Variants in CHST11 observed in about 807,000 individuals in gnomAD.
CHST11 encodes the protein carbohydrate sulfotransferase 11, also known as C4S-1.
Under a neutral mutation model 30.4 loss-of-function variants are expected in CHST11, and 9 were observed. That is an observed-to-expected ratio of 0.30 (90% CI 0.18 to 0.52). The LOEUF (loss-of-function observed/expected upper bound fraction) is 0.52, where lower values mean the gene tolerates loss of function less well. Among genes scored for constraint, CHST11 ranks in the 20% least tolerant of loss-of-function variants. CHST11 has a pLI of 0.97. For missense variants in CHST11, 348 were observed against 460.6 expected (o/e 0.76, Z 2.24); for synonymous variants, 152 against 187.8 (o/e 0.81, Z 1.56).
At chr12:104,584,308 G>A (rs751250418) in intron 1 of CHST11, among the ~76,000 whole-genome samples, 7 of 147,804 alleles carry the variant, frequency 4.7e-5, no homozygotes, top group Non-Finnish European at 8.9e-5. Flanking sequence ...CCAGGGTGGA[G>A]TGCAGTGGTA....
chr12:104,502,881 C>T (rs889451163), intron 1 of CHST11, among the ~76,000 whole-genome samples: 4 of 152,196 alleles, frequency 2.6e-5, no homozygotes, highest in African/African-American at 9.6e-5. Flanking sequence ...ATCAGCGCCC[C>T]TCAAATCTGC....
chr12:104,569,582 T>C (rs924676641), intron 1 of CHST11, among the ~76,000 whole-genome samples: 1 of 152,182 alleles, frequency 6.6e-6, no homozygotes, highest in Non-Finnish European at 1.5e-5. Context: ...ACCTATTGGA[T>C]TGATCAGCAG....
intron 1 of CHST11, among the ~76,000 whole-genome samples, chr12:104,546,299 A>C (rs990050257): frequency 6.6e-6 from 1 of 150,952 alleles, no homozygotes; most frequent in Non-Finnish European, 1.5e-5. Flanking sequence ...ACAAGACCCC[A>C]TCTCTACAAA....
At chr12:104,756,532 G>GGTGAGTGTGTGTGTGTGT (rs2040476448) in intron 2 of CHST11, among the ~76,000 whole-genome samples, 1 of 143,292 alleles carries the variant, frequency 7.0e-6, no homozygotes, top group Non-Finnish European at 1.5e-5. Flanking sequence ...ATCCATGTGG[G>GGTGAGTGTGTGTGTGTGT]GTGTGTGTGT....
intron 1 of CHST11, among the ~76,000 whole-genome samples, chr12:104,489,803 GAC>G (rs2037728136): frequency 6.6e-6 from 1 of 152,188 alleles, no homozygotes; most frequent in African/African-American, 2.4e-5. Flanking sequence ...GGGAGGGGAG[GAC>G]ACAATTCAAT....
At chr12:104,461,280 A>G (rs557899623) in intron 1 of CHST11, among the ~76,000 whole-genome samples, 2 of 152,288 alleles carry the variant, frequency 1.3e-5, no homozygotes, top group African/African-American at 4.8e-5. Flanking sequence ...AGCCACTTAG[A>G]TGGATTCTAA....
chr12:104,494,082 A>G (rs527421512), intron 1 of CHST11, among the ~76,000 whole-genome samples: 59 of 152,244 alleles, frequency 3.9e-4, no homozygotes, highest in African/African-American at 1.4e-3. Flanking sequence ...TGTTGGGATT[A>G]TAGTGTGAGC....
At chr12:104,737,585 A>G (rs989785865) in intron 2 of CHST11, among the ~76,000 whole-genome samples, 2 of 152,224 alleles carry the variant, frequency 1.3e-5, no homozygotes, top group African/African-American at 2.4e-5. Flanking sequence ...CAGTTGATCT[A>G]GAGCCTTCTA....
At chr12:104,705,207 T>C (rs570270015) in intron 2 of CHST11, among the ~76,000 whole-genome samples, 1 of 152,184 alleles carries the variant, frequency 6.6e-6, no homozygotes, top group African/African-American at 2.4e-5. Context: ...GTGTATACAG[T>C]GTTACTGTTT....
chr12:104,668,538 C>T (rs1263883046), intron 2 of CHST11, among the ~76,000 whole-genome samples: 1 of 152,176 alleles, frequency 6.6e-6, no homozygotes, highest in Non-Finnish European at 1.5e-5. Flanking sequence ...CCCCATAAAG[C>T]ATGTTTATCT....
intron 1 of CHST11, among the ~76,000 whole-genome samples, chr12:104,506,191 C>T (rs183701178): frequency 4.8e-4 from 73 of 152,294 alleles, no homozygotes; most frequent in African/African-American, 1.6e-3. Flanking sequence ...GGATGACAAG[C>T]GAACGCAGAT....
chr12:104,476,114 T>C (rs1023710186), intron 1 of CHST11, among the ~76,000 whole-genome samples: 1 of 108,806 alleles, frequency 9.2e-6, no homozygotes, highest in Non-Finnish European at 1.9e-5. Flanking sequence ...TAAATATAAA[T>C]AATAATATAT....
chr12:104,504,624 C>T (rs2037885141), intron 1 of CHST11, among the ~76,000 whole-genome samples: 1 of 152,058 alleles, frequency 6.6e-6, no homozygotes, highest in Non-Finnish European at 1.5e-5. Flanking sequence ...TTCCTAAAAG[C>T]CTGTTCATGG....
chr12:104,692,983 C>T (rs993166862), intron 2 of CHST11, among the ~76,000 whole-genome samples: 2 of 151,856 alleles, frequency 1.3e-5, no homozygotes, highest in African/African-American at 4.8e-5. Flanking sequence ...GTCTTACTGT[C>T]CTGGAGGCTG....
intron 1 of CHST11, among the ~76,000 whole-genome samples, chr12:104,579,097 C>T (rs1486163154): frequency 6.6e-6 from 1 of 152,166 alleles, no homozygotes; most frequent in Non-Finnish European, 1.5e-5. Flanking sequence ...TCCTTGTTAC[C>T]CTTAAGCAAT....
chr12:104,533,560 A>G (rs1391099482), intron 1 of CHST11, among the ~76,000 whole-genome samples: 2 of 152,200 alleles, frequency 1.3e-5, no homozygotes, highest in African/African-American at 2.4e-5. Context: ...GTTTCCTGCC[A>G]TCTCCCCTTA....
At chr12:104,547,370 A>G (rs1411315344) in intron 1 of CHST11, among the ~76,000 whole-genome samples, 5 of 152,158 alleles carry the variant, frequency 3.3e-5, no homozygotes, top group African/African-American at 4.8e-5. Context: ...CAGGAGCCGC[A>G]AGATTTTCCG....
At chr12:104,549,536 G>T (rs1336533823) in intron 1 of CHST11, among the ~76,000 whole-genome samples, 1 of 152,102 alleles carries the variant, frequency 6.6e-6, no homozygotes, top group African/African-American at 2.4e-5. Context: ...GTGATTTATG[G>T]GTTCCACCTC....
At chr12:104,562,481 G>A (rs368797078) in intron 1 of CHST11, among the ~76,000 whole-genome samples, 5 of 152,322 alleles carry the variant, frequency 3.3e-5, no homozygotes, top group East Asian at 1.9e-4. Flanking sequence ...GAGCCTTCCA[G>A]AACCTTCCCT....
Sources: allele counts gnomAD v4.1 joint callset (sites outside exome capture counted in the v4.1 genomes callset), GRCh38; gene constraint gnomAD v4.1.1; transcripts MANE v1.5; gene names NCBI Gene and HGNC (gene_info 2026-07-23, HGNC 2026-07-21).